The following NELL1 variants were observed in gnomAD, a reference collection of about 807,000 sequenced individuals.
NELL1 encodes the protein neural EGFL like 1.
NELL1 carries 76 observed loss-of-function variants against 107.4 expected under a neutral mutation model. That is an observed-to-expected ratio of 0.71 (90% CI 0.59 to 0.86). The LOEUF (loss-of-function observed/expected upper bound fraction) is 0.86. Among genes scored for constraint, NELL1 ranks in the 40% least tolerant of loss-of-function variants. NELL1 has a pLI of 0.00. For missense variants in NELL1, 1,024 were observed against 1,005.5 expected, an observed-to-expected ratio of 1.02 and a Z score of -0.25; for synonymous variants, 353 against 341.2, an observed-to-expected ratio of 1.03 and a Z score of -0.38.
chr11:20,764,398 T>A (rs1186395907), intron 2 of NELL1, among the ~76,000 whole-genome samples: 1 of 152,094 alleles, frequency 6.6e-6, no homozygotes, highest in Non-Finnish European at 1.5e-5. Context: ...TGGTGAAATA[T>A]GGTGGGTTGG....
intron 4 of NELL1, among the ~76,000 whole-genome samples, chr11:20,870,820 G>A (rs1286803695): frequency 1.3e-5 from 2 of 152,134 alleles, no homozygotes; most frequent in Non-Finnish European, 2.9e-5. Flanking sequence ...AACTTCTAAA[G>A]TCTGACAGGA....
chr11:21,302,902 A>T (rs1056729138), intron 14 of NELL1, among the ~76,000 whole-genome samples: 15 of 139,954 alleles, frequency 1.1e-4, no homozygotes, highest in South Asian at 2.2e-4. Flanking sequence ...CAAAAAAATT[A>T]AAAAAAAAAA....
intron 12 of NELL1, among the ~76,000 whole-genome samples, chr11:21,086,312 T>C (rs1479160496): frequency 1.3e-5 from 2 of 152,196 alleles, no homozygotes; most frequent in African/African-American, 2.4e-5. Context: ...CCTAGTGACA[T>C]TAAACAAAGT....
chr11:20,849,493 A>G (rs1202059694), intron 4 of NELL1, among the ~76,000 whole-genome samples: 2 of 152,094 alleles, frequency 1.3e-5, no homozygotes, highest in Non-Finnish European at 2.9e-5. Flanking sequence ...TGACCTCTCT[A>G]CCAGGAGAGT....
At chr11:21,318,569 A>G (rs1034838070) in intron 14 of NELL1, among the ~76,000 whole-genome samples, 6 of 152,080 alleles carry the variant, frequency 3.9e-5, no homozygotes, top group African/African-American at 1.4e-4. Flanking sequence ...CCTCACCCTC[A>G]TAATACCTCT....
At chr11:21,025,165 A>G (rs1295565692) in intron 12 of NELL1, among the ~76,000 whole-genome samples, 2 of 152,108 alleles carry the variant, frequency 1.3e-5, no homozygotes, top group African/African-American at 4.8e-5. Flanking sequence ...TGTACCTGAC[A>G]TGGTTATTTG....
At chr11:21,298,965 C>A (rs1849435133) in intron 14 of NELL1, among the ~76,000 whole-genome samples, 1 of 151,988 alleles carries the variant, frequency 6.6e-6, no homozygotes, top group Non-Finnish European at 1.5e-5. Context: ...CAGAAGTGGG[C>A]AACTGAAGTT....
chr11:21,131,575 T>C (rs1364547962), intron 13 of NELL1, among the ~76,000 whole-genome samples: 1 of 152,208 alleles, frequency 6.6e-6, no homozygotes, highest in African/African-American at 2.4e-5. Flanking sequence ...GCCTTTCATC[T>C]CTTCATCCAC....
At chr11:20,882,231 A>T (rs1730003868) in intron 4 of NELL1, among the ~76,000 whole-genome samples, 1 of 152,222 alleles carries the variant, frequency 6.6e-6, no homozygotes, top group Admixed American at 6.5e-5. Flanking sequence ...TGTTATCAGC[A>T]TTAGTCTGTG....
chr11:21,241,206 C>T (rs534477887), intron 14 of NELL1, among the ~76,000 whole-genome samples: 6 of 152,196 alleles, frequency 3.9e-5, no homozygotes, highest in African/African-American at 1.4e-4. Context: ...TGAAATATTT[C>T]ATTGTCAATA....
intron 15 of NELL1, among the ~76,000 whole-genome samples, chr11:21,491,855 G>C (rs888161896): frequency 6.6e-6 from 1 of 151,996 alleles, no homozygotes; most frequent in African/African-American, 2.4e-5. Context: ...CCATTTGTTT[G>C]TATCCTCTTT....
chr11:21,154,072 T>C (rs11025949), intron 13 of NELL1, among the ~76,000 whole-genome samples: 14,156 of 152,138 alleles, frequency 0.093, 694 homozygotes, highest in African/African-American at 0.12. Context: ...GATGTGAAAA[T>C]GGGATTAGAC....
chr11:20,699,078 A>G (rs552111989), intron 2 of NELL1, among the ~76,000 whole-genome samples: 83 of 152,032 alleles, frequency 5.5e-4, no homozygotes, highest in Admixed American at 5.2e-3. Context: ...TTAGCTGGGC[A>G]TGGTGGCGCA....
At chr11:20,824,052 T>C (rs1344758030) in intron 3 of NELL1, among the ~76,000 whole-genome samples, 1 of 151,198 alleles carries the variant, frequency 6.6e-6, no homozygotes, top group Non-Finnish European at 1.5e-5. Flanking sequence ...ATCCCATGTG[T>C]TGGGAGAGGG....
At chr11:20,806,390 G>T (rs1372715142) in intron 3 of NELL1, among the ~76,000 whole-genome samples, 1 of 152,044 alleles carries the variant, frequency 6.6e-6, no homozygotes, top group Non-Finnish European at 1.5e-5. Flanking sequence ...GGTTTCCACT[G>T]AAAAGTCTGC....
chr11:21,218,037 CATT>C (rs1299791047), intron 13 of NELL1, among the ~76,000 whole-genome samples: 1 of 152,124 alleles, frequency 6.6e-6, no homozygotes, highest in Non-Finnish European at 1.5e-5. Context: ...TTGTTATGAT[CATT>C]ATTATTATAA....
chr11:20,698,773 G>C (rs1391306267), intron 2 of NELL1, among the ~76,000 whole-genome samples: 3 of 152,098 alleles, frequency 2.0e-5, no homozygotes, highest in Non-Finnish European at 4.4e-5. Flanking sequence ...CTAATGTGTA[G>C]CTTTTTAATC....
At chr11:20,900,328 A>G (rs1849845126) in intron 5 of NELL1, among the ~76,000 whole-genome samples, 1 of 152,216 alleles carries the variant, frequency 6.6e-6, no homozygotes, top group East Asian at 1.9e-4. Flanking sequence ...TTGCTTCATT[A>G]TATTGGCCAA....
chr11:21,306,374 A>G (rs887789018), intron 14 of NELL1, among the ~76,000 whole-genome samples: 3 of 152,002 alleles, frequency 2.0e-5, no homozygotes, highest in African/African-American at 7.2e-5. Flanking sequence ...TAGAGCTGAA[A>G]ATAAAAGAAT....
Sources: gnomAD v4.1 joint callset for allele counts (sites outside exome capture counted in the v4.1 genomes callset) on GRCh38, gnomAD v4.1.1 for gene constraint, MANE v1.5 for transcripts, NCBI Gene and HGNC (gene_info 2026-07-23, HGNC 2026-07-21) for gene names.